Variants in ROBO2 observed in about 807,000 individuals in gnomAD.
ROBO2 encodes roundabout homolog 2.
ROBO2 carries 53 observed loss-of-function variants against 160.8 expected under a neutral mutation model. That is an observed-to-expected ratio of 0.33 (90% CI 0.26 to 0.41). The LOEUF is 0.41. ROBO2 is among the 10% of genes least tolerant of loss of function. The pLI, the probability that ROBO2 is intolerant of heterozygous loss-of-function variation, is 1.00. For missense variants in ROBO2, 1,577 were observed against 1,722.4 expected (o/e 0.92, Z 1.49); for synonymous variants, 664 against 611.7 (o/e 1.09, Z -1.26).
rs372775571 is a variant in ROBO2, at chr3:76,566,547, TTAG to T, written c.110-531465_110-531463del. On this transcript the variant is annotated intron_variant, in intron 2 of 26. Transcript: ENST00000487694. The stretch of plus-strand genomic sequence containing the variant: ...GTAGAAATCCAATAAAGAATCTAGT[TTAG>T]TTTTTAAAATGCATATGCTCTTCAC... 5.3e-4 allele frequency among the ~76,000 whole-genome samples: 80 copies of T among 152,314 alleles called. No homozygotes were observed. In the East Asian group the frequency reaches 0.015, roughly 29 times the overall value.
intron 2 of ROBO2, among the ~76,000 whole-genome samples, chr3:76,418,534 G>A (rs1274172136): frequency 3.9e-5 from 6 of 152,090 alleles, no homozygotes; most frequent in Non-Finnish European, 4.4e-5. Flanking sequence ...CACTGCACCC[G>A]GCCCAAACAA....
At chr3:76,544,906 C>A (rs2083011412) in intron 2 of ROBO2, among the ~76,000 whole-genome samples, 1 of 151,964 alleles carries the variant, frequency 6.6e-6, no homozygotes, top group Non-Finnish European at 1.5e-5. Context: ...TTGACTCAAG[C>A]AGTTTCTTTC....
intron 2 of ROBO2, among the ~76,000 whole-genome samples, chr3:76,387,433 G>A (rs1430475564): frequency 1.3e-5 from 2 of 151,722 alleles, no homozygotes; most frequent in Non-Finnish European, 2.9e-5. Flanking sequence ...ATAGAAACTA[G>A]TATTTATTTT....
intron 2 of ROBO2, among the ~76,000 whole-genome samples, chr3:76,972,271 C>T (rs950977010): frequency 6.6e-6 from 1 of 152,116 alleles, no homozygotes; most frequent in Non-Finnish European, 1.5e-5. Context: ...AACTGAGCCA[C>T]ATTTCCCTAA....
At chr3:76,430,116 A>G (rs1293127313) in intron 2 of ROBO2, among the ~76,000 whole-genome samples, 1 of 152,166 alleles carries the variant, frequency 6.6e-6, no homozygotes, top group Non-Finnish European at 1.5e-5. Context: ...TAGGGTCTCT[A>G]GTTTTTCCAG....
chr3:76,764,616 A>G (rs2061478941), intron 2 of ROBO2, among the ~76,000 whole-genome samples: 1 of 151,680 alleles, frequency 6.6e-6, no homozygotes, highest in South Asian at 2.1e-4. Flanking sequence ...AGCTTTATCA[A>G]GTTTAATTCA....
At chr3:77,553,450 T>C (rs2153655324) in intron 8 of ROBO2, among the ~76,000 whole-genome samples, 1 of 152,062 alleles carries the variant, frequency 6.6e-6, no homozygotes, top group Admixed American at 6.6e-5. Context: ...GTCACATGTC[T>C]CTGACTTTAA....
intron 2 of ROBO2, among the ~76,000 whole-genome samples, chr3:77,432,117 G>A (rs912859230): frequency 6.6e-6 from 1 of 152,058 alleles, no homozygotes; most frequent in Non-Finnish European, 1.5e-5. Flanking sequence ...TAAAATCTTT[G>A]GGATTTGTTC....
intron 1 of ROBO2, among the ~76,000 whole-genome samples, chr3:75,907,515 C>T (rs1380859081): frequency 1.3e-5 from 2 of 152,134 alleles, no homozygotes. Context: ...GAACTTCAGG[C>T]TCTCTAGACA....
At chr3:77,466,376 A>G (rs964390697) in intron 2 of ROBO2, among the ~76,000 whole-genome samples, 4 of 152,182 alleles carry the variant, frequency 2.6e-5, no homozygotes, top group African/African-American at 9.7e-5. Flanking sequence ...AAATTCGAAT[A>G]TAATCTATTC....
intron 2 of ROBO2, among the ~76,000 whole-genome samples, chr3:77,323,461 C>T (rs1313139601): frequency 6.6e-6 from 1 of 152,088 alleles, no homozygotes; most frequent in African/African-American, 2.4e-5. Context: ...GCATTTTGAC[C>T]TGTTCTTTCT....
intron 2 of ROBO2, among the ~76,000 whole-genome samples, chr3:76,025,373 T>C (rs1322144526): frequency 2.0e-5 from 3 of 151,640 alleles, no homozygotes; most frequent in African/African-American, 4.8e-5. Flanking sequence ...AGGGGAGAGA[T>C]TGATTTTGAA....
At chr3:76,449,477 A>G (rs1208147813) in intron 2 of ROBO2, among the ~76,000 whole-genome samples, 1 of 152,082 alleles carries the variant, frequency 6.6e-6, no homozygotes, top group Non-Finnish European at 1.5e-5. Context: ...ATGCTGGGGT[A>G]GGGGTAGGTC....
intron 2 of ROBO2, among the ~76,000 whole-genome samples, chr3:77,309,267 A>C (rs1042549425): frequency 6.6e-6 from 1 of 152,202 alleles, no homozygotes; most frequent in Admixed American, 6.5e-5. Context: ...ACGTAAATAC[A>C]TAATTCACAG....
intron 2 of ROBO2, among the ~76,000 whole-genome samples, chr3:76,934,545 G>A (rs1196073310): frequency 6.6e-6 from 1 of 152,022 alleles, no homozygotes; most frequent in African/African-American, 2.4e-5. Context: ...GATCGATCGA[G>A]ACCGTCCTGG....
rs1394418828 is a variant in ROBO2, at chr3:76,746,203, T to A, written c.110-351811T>A. 4.6e-5 allele frequency among the ~76,000 whole-genome samples: 7 copies of A among 152,180 alleles called. No individual in the cohort carries two copies. In the East Asian group the frequency reaches 9.7e-4, roughly 21 times the overall value. ...GCTGCATAGTATTCCATGCTGTATA[T>A]GTGCCACATTTTCTTAATCCAGTCT... is the stretch of plus-strand genomic sequence containing the variant. On this transcript the variant is annotated intron_variant, in intron 2 of 26. Coordinates refer to the ROBO2 transcript ENST00000487694.
At chr3:76,016,635 T>C (rs1042114717) in intron 2 of ROBO2, among the ~76,000 whole-genome samples, 1 of 152,098 alleles carries the variant, frequency 6.6e-6, no homozygotes, top group African/African-American at 2.4e-5. Flanking sequence ...ATTGGTATTA[T>C]TTCAATTTTC....
chr3:76,467,505 C>G (rs1222531008), intron 2 of ROBO2, among the ~76,000 whole-genome samples: 1 of 152,086 alleles, frequency 6.6e-6, no homozygotes, highest in Admixed American at 6.6e-5. Flanking sequence ...CCCTTGATGT[C>G]AAGTCGGAAC....
At chr3:77,358,542 A>G (rs1363551725) in intron 2 of ROBO2, among the ~76,000 whole-genome samples, 1 of 152,258 alleles carries the variant, frequency 6.6e-6, no homozygotes, top group Non-Finnish European at 1.5e-5. Flanking sequence ...GGCAATCATT[A>G]TAAGTTTTAT....
Sources: allele counts gnomAD v4.1 joint callset (sites outside exome capture counted in the v4.1 genomes callset), GRCh38; gene constraint gnomAD v4.1.1; transcripts MANE v1.5; gene names NCBI Gene and HGNC (gene_info 2026-07-23, HGNC 2026-07-21).